ZNF556: variants seen among roughly 807,000 people sequenced by gnomAD.
The protein encoded by ZNF556 is zinc finger protein 556.
A neutral mutation model predicts 13.6 loss-of-function variants in ZNF556; 11 were observed. The ratio of observed to expected loss-of-function variants is 0.81; its 90% CI spans 0.51 to 1.33. The LOEUF is 1.33. Ranked by LOEUF, ZNF556 falls within the 40% of genes most tolerant of loss-of-function variation. ZNF556 has a pLI of 0.00. For synonymous variants in ZNF556, 229 were observed against 207.8 expected, an observed-to-expected ratio of 1.10 and a Z score of -0.88; for missense variants, 633 against 566.2, an observed-to-expected ratio of 1.12 and a Z score of -1.20.
At chr19:2,872,870 C>T (rs1037440039) in intron 1 of ZNF556, among the ~76,000 whole-genome samples, 1 of 150,976 alleles carries the variant, frequency 6.6e-6, no homozygotes, top group Non-Finnish European at 1.5e-5. Context: ...TGGTGGCTCA[C>T]GCCTGTAATC....
chr19:2,872,041 C>A (rs1291539635), intron 1 of ZNF556, among the ~76,000 whole-genome samples: 1 of 152,160 alleles, frequency 6.6e-6, no homozygotes, highest in Non-Finnish European at 1.5e-5. Context: ...AGTACTTTCA[C>A]TAATTTGCTA....
intron 2 of ZNF556, among the ~76,000 whole-genome samples, 181 bp downstream of exon 2, chr19:2,873,803 A>C (rs1052884754): frequency 3.3e-5 from 5 of 151,684 alleles, no homozygotes; most frequent in African/African-American, 1.2e-4. Context: ...AAAAAAAATC[A>C]AAAATTAGCC....
chr19:2,870,530 T>G (rs543725774), intron 1 of ZNF556, among the ~76,000 whole-genome samples: 143 of 142,780 alleles, frequency 1.0e-3, no homozygotes, highest in Non-Finnish European at 1.9e-3. Flanking sequence ...GCAGATCACT[T>G]GAGGTCAGGA....
In ZNF556 at chr19:2,877,329, G is replaced by A. The variant is rs750415629; in HGVS notation, c.371G>A (p.Arg124Lys). 9.9e-6 allele frequency: 16 copies of A among 1,614,176 alleles called. No homozygotes were observed. The highest frequency in any genetic ancestry group is 1.3e-5 in the Non-Finnish European group (15 of 1,180,014). ...AGCAGTAAAGGTAATAAACGTGGAA[G>A]AACCTTCAGAAAGACTCGAAATTGT... The part of the protein sequence containing the change: ...CKSSKGNKRG[R>K]TFRKTRNCNR... The change falls in exon 4 of 4, where the codon AGA (arginine) becomes AAA (lysine). Residue 124 changes from arginine to lysine, a missense_variant. Coordinates refer to ENST00000307635, the MANE Select transcript of ZNF556 (RefSeq NM_024967.3).
At chr19:2,868,958 A>T (rs1411460343) in intron 1 of ZNF556, among the ~76,000 whole-genome samples, 1 of 152,090 alleles carries the variant, frequency 6.6e-6, no homozygotes, top group African/African-American at 2.4e-5. Context: ...ACCTCAGCTG[A>T]TCCACCCACC....
At chr19:2,871,554 C>T (rs2087802808) in intron 1 of ZNF556, among the ~76,000 whole-genome samples, 1 of 152,144 alleles carries the variant, frequency 6.6e-6, no homozygotes, top group African/African-American at 2.4e-5. Context: ...TGGTTCACGC[C>T]TGTAATCCCA....
chr19:2,873,079 G>A (rs1460168646), intron 1 of ZNF556, among the ~76,000 whole-genome samples: 1 of 150,648 alleles, frequency 6.6e-6, no homozygotes, highest in Non-Finnish European at 1.5e-5. Context: ...CTTGCAGTGA[G>A]CCGAGATCGC....
At position 2,880,017 on chromosome 19, in the gene ZNF556, G is replaced by A. The variant is rs575212469; in HGVS notation, c.*1688G>A. On this transcript the variant is annotated 3_prime_UTR_variant, in exon 4 of 4. Coordinates refer to ENST00000307635, the MANE Select transcript of ZNF556 (RefSeq NM_024967.3). ...TGTACTCCAGCCTGGGCGAAAGAGC[G>A]AGACTCTGTCTCAAAAATAAATAAA... 4 of 151,896 alleles carry A rather than the reference G, an allele frequency of 2.6e-5. No homozygotes were observed. Among genetic ancestry groups the A allele is most frequent in the South Asian group, 2.1e-4 (1 of 4,788 alleles). 9.4% of individuals were successfully genotyped at this position (151,896 alleles called of 1,614,324 possible). A position where few individuals can be genotyped will look rare whatever the true frequency, so the allele number is the denominator to read the frequency against.
In ZNF556 at chr19:2,883,159, G is replaced by A. The variant is rs1265970840; in HGVS notation, c.*4830G>A. ...AAGTGTGCCATGATTTCCTGGTGAGGATAAAATCTATGGACGGTGAGAGAA... is the reference window on the plus strand; with the variant it reads ...AAGTGTGCCATGATTTCCTGGTGAGAATAAAATCTATGGACGGTGAGAGAA... On this transcript the variant is annotated 3_prime_UTR_variant, in exon 4 of 4. Transcript: ENST00000307635. 1 of 152,136 alleles carries A rather than the reference G, an allele frequency of 6.6e-6. No individual in the cohort carries two copies. Among genetic ancestry groups the A allele is most frequent in the Non-Finnish European group, 1.5e-5 (1 of 68,034 alleles). 9.4% of individuals were successfully genotyped at this position (152,136 alleles called of 1,614,324 possible).
intron 2 of ZNF556, among the ~76,000 whole-genome samples, chr19:2,873,938 C>T (rs1366365126): frequency 6.6e-6 from 1 of 151,822 alleles, no homozygotes; most frequent in African/African-American, 2.4e-5. Flanking sequence ...GCCAGGGTGA[C>T]AACTTGAGAC....
intron 1 of ZNF556, among the ~76,000 whole-genome samples, chr19:2,870,260 A>G (rs2087791120): frequency 6.6e-6 from 1 of 151,450 alleles, no homozygotes; most frequent in Non-Finnish European, 1.5e-5. Flanking sequence ...CAGCCTGACC[A>G]ACATGGTAAA....
chr19:2,879,976 G>T lies in ZNF556; in HGVS notation c.*1647G>T, dbSNP rs62128862. 35,841 of 151,960 alleles carry T rather than the reference G, an allele frequency of 0.24. 4,973 individuals are homozygous for T. The highest frequency in any genetic ancestry group is 0.34 in the South Asian group (1,643 of 4,814). The allele number at this position is 151,960 out of a possible 1,614,324, so 9.4% of individuals were successfully genotyped here. A position where few individuals can be genotyped will look rare whatever the true frequency, so the allele number is the denominator to read the frequency against. On this transcript the variant is annotated 3_prime_UTR_variant, in exon 4 of 4. Transcript: ENST00000307635. ...ACCTGGGAGGCGAAGCTTGCAGTGA[G>T]CTGGAATCGTGCCACTGTACTCCAG...
Position 2,876,120 on chromosome 19 carries a change from G to A in ZNF556, c.158G>A (p.Gly53Glu), listed in dbSNP as rs761301020. Residue 53 changes from glycine (G) to glutamate (E), a missense_variant, in exon 3 of 4, where the codon GGG becomes GAG. Coordinates refer to ENST00000307635, the MANE Select transcript of ZNF556 (RefSeq NM_024967.3). ...AATGAGGCTCAGCTTAAAGCCAGTG[G>A]GTCTATTTCTCAGCAGGATACTTCT... is the stretch of plus-strand genomic sequence containing the variant. Reference protein sequence around the residue: ...VDNEAQLKASGSISQQDTSGE... With the variant: ...VDNEAQLKASESISQQDTSGE... The A allele has an allele frequency of 1.2e-6, 2 of 1,610,182 alleles. No individual in the cohort carries two copies. Among genetic ancestry groups the A allele is most frequent in the Middle Eastern group, 1.7e-4 (1 of 6,046 alleles).
In ZNF556 at chr19:2,880,312, G is replaced by A. The variant is rs370093553; in HGVS notation, c.*1983G>A. ...TTACTGTGTTTGTGTTTTTAAAGAA[G>A]TTGGATTCTATACAAATGGATAAAA... On this transcript the variant is annotated 3_prime_UTR_variant, in exon 4 of 4. Coordinates refer to ENST00000307635, the MANE Select transcript of ZNF556 (RefSeq NM_024967.3). The A allele has an allele frequency of 2.0e-5, 3 of 152,154 alleles. No individual in the cohort carries two copies. The highest frequency in any genetic ancestry group is 4.1e-4 in the South Asian group (2 of 4,834). The allele number at this position is 152,154 out of a possible 1,614,324, so 9.4% of individuals were successfully genotyped here.
In ZNF556 at chr19:2,878,265, G is replaced by A; in HGVS notation, c.1307G>A (p.Cys436Tyr). Reference protein sequence around the residue: ...KCEKCGKAFSCPKAFQGHVRS... With the variant: ...KCEKCGKAFSYPKAFQGHVRS... ...GAAAAATGTGGGAAAGCTTTCAGTT[G>A]TCCCAAAGCCTTTCAAGGTCATGTG... The change falls in exon 4 of 4, where the codon TGT becomes TAT. Residue 436 changes from cysteine to tyrosine, a missense_variant. Physicochemically the swap from Cys to Tyr is radical, Grantham distance 194 (BLOSUM62 -2). Transcript: ENST00000307635. The A allele has an allele frequency of 2.5e-6, 4 of 1,614,196 alleles. No individual in the cohort carries two copies. Among genetic ancestry groups the A allele is most frequent in the Non-Finnish European group, 3.4e-6 (4 of 1,180,034 alleles).
At chr19:2,874,413 A>G (rs2087832288) in intron 2 of ZNF556, among the ~76,000 whole-genome samples, 1 of 151,990 alleles carries the variant, frequency 6.6e-6, no homozygotes, top group Non-Finnish European at 1.5e-5. Flanking sequence ...ATAAAAATCT[A>G]CCTATCAATC....
rs1482371773 is a variant in ZNF556 at position 2,877,933 on chromosome 19, T to C, written c.975T>C (p.Gly325=). The C allele has an allele frequency of 6.8e-6, 11 of 1,614,064 alleles. No homozygotes were observed. Among genetic ancestry groups the C allele is most frequent in the Middle Eastern group, 1.6e-4 (1 of 6,082 alleles). ...YKCGKCGKAF[G]WPSSLHKHAR... ...GTGGAAAATGCGGGAAAGCATTCGGTTGGCCCTCATCCTTACACAAACACG... is the reference window on the plus strand; with the variant it reads ...GTGGAAAATGCGGGAAAGCATTCGGCTGGCCCTCATCCTTACACAAACACG... Residue 325 remains glycine (G), a synonymous_variant, in exon 4 of 4, where the codon GGT becomes GGC. Coordinates refer to ENST00000307635, the MANE Select transcript of ZNF556 (RefSeq NM_024967.3).
intron 1 of ZNF556, among the ~76,000 whole-genome samples, chr19:2,870,352 G>T (rs1159311957): frequency 6.6e-6 from 1 of 152,108 alleles, no homozygotes; most frequent in Non-Finnish European, 1.5e-5. Context: ...CAGTTAGTTG[G>T]GAAGCAGGAG....
intron 2 of ZNF556, among the ~76,000 whole-genome samples, chr19:2,874,251 C>T (rs561279549): frequency 2.6e-4 from 40 of 151,700 alleles, no homozygotes; most frequent in Admixed American, 2.1e-3. Context: ...AGTGAGACTC[C>T]GTCTCAAAAA....
Sources: allele counts gnomAD v4.1 joint callset (sites outside exome capture counted in the v4.1 genomes callset), GRCh38; gene constraint gnomAD v4.1.1; transcripts MANE v1.5; gene names NCBI Gene and HGNC (gene_info 2026-07-23, HGNC 2026-07-21).